CHL1: variants seen among roughly 807,000 people sequenced by gnomAD.
CHL1 encodes the protein cell adhesion molecule L1 like.
A neutral mutation model predicts 141.9 loss-of-function variants in CHL1; 96 were observed. The ratio of observed to expected loss-of-function variants is 0.68; its 90% confidence interval spans 0.57 to 0.80. CHL1 has a LOEUF of 0.80. Ranked by LOEUF, CHL1 falls within the 30% of genes least tolerant of loss-of-function variation. The pLI is 0.00. For missense variants in CHL1, 1,820 were observed against 1,457.2 expected (o/e 1.25, Z -4.05); for synonymous variants, 613 against 502.2 (o/e 1.22, Z -2.95).
intron 5 of CHL1, among the ~76,000 whole-genome samples, chr3:328,723 G>A (rs1002335290): frequency 6.6e-6 from 1 of 152,136 alleles, no homozygotes; most frequent in African/African-American, 2.4e-5. Context: ...GCAATTTACT[G>A]TGGGCCTGGC....
At chr3:393,624 T>C (rs995962490) in intron 23 of CHL1, among the ~76,000 whole-genome samples, 3 of 152,130 alleles carry the variant, frequency 2.0e-5, no homozygotes, top group African/African-American at 4.8e-5. Flanking sequence ...ACATTTTAGG[T>C]AGTTTACCTT....
At chr3:223,852 A>C (rs1701086067) in intron 1 of CHL1, among the ~76,000 whole-genome samples, 1 of 152,208 alleles carries the variant, frequency 6.6e-6, no homozygotes, top group African/African-American at 2.4e-5. Flanking sequence ...CATAGGGGTC[A>C]AAGCTGTCTT....
rs5845965 is a variant in CHL1 at position 350,609 on chromosome 3, G to GAAA, written c.1033+1074_1033+1076dup. On this transcript the variant is annotated intron_variant, in intron 10 of 27. Transcript: ENST00000256509. ...TAATGGCCTGTTGTTTAAATTAATG[G>GAAA]AAAAAAAAAAGGACTCAGACACAAA... is the stretch of plus-strand genomic sequence containing the variant. Among the ~76,000 whole-genome samples, 75 of 148,264 alleles carry GAAA rather than the reference G, an allele frequency of 5.1e-4. 4 individuals are homozygous for GAAA. In the South Asian group the frequency reaches 0.014, roughly 27 times the overall value.
chr3:263,977 C>A (rs1415359747), intron 2 of CHL1, among the ~76,000 whole-genome samples: 1 of 152,182 alleles, frequency 6.6e-6, no homozygotes. Flanking sequence ...ATCTGCTTAT[C>A]TAAGACGGAT....
At chr3:299,212 A>T (rs568849440) in intron 2 of CHL1, among the ~76,000 whole-genome samples, 1 of 152,338 alleles carries the variant, frequency 6.6e-6, no homozygotes, top group South Asian at 2.1e-4. Context: ...ATAAAAATCT[A>T]CTTGTTAAGT....
chr3:336,843 A>G (rs1367045625), intron 5 of CHL1, among the ~76,000 whole-genome samples: 2 of 152,204 alleles, frequency 1.3e-5, no homozygotes, highest in Non-Finnish European at 2.9e-5. Flanking sequence ...CAAATTTTGT[A>G]TCTGCAGGTT....
chr3:357,880 C>G (rs117399624), intron 11 of CHL1, among the ~76,000 whole-genome samples: 1 of 152,162 alleles, frequency 6.6e-6, no homozygotes, highest in African/African-American at 2.4e-5. Context: ...GGGAGGATGG[C>G]GTTAACTCTG....
At chr3:382,933 T>C (rs1707241931) in intron 18 of CHL1, among the ~76,000 whole-genome samples, 1 of 152,138 alleles carries the variant, frequency 6.6e-6, no homozygotes, top group Non-Finnish European at 1.5e-5. Flanking sequence ...TGGCTAAATA[T>C]CAAGTTTAAC....
chr3:371,983 T>A (rs1400267828), intron 15 of CHL1, among the ~76,000 whole-genome samples: 2 of 152,192 alleles, frequency 1.3e-5, no homozygotes, highest in African/African-American at 4.8e-5. Flanking sequence ...CCACCGTTAG[T>A]CTGATGGGTT....
chr3:226,053 G>A (rs1394324766), intron 1 of CHL1, among the ~76,000 whole-genome samples: 1 of 150,916 alleles, frequency 6.6e-6, no homozygotes, highest in Non-Finnish European at 1.5e-5. Flanking sequence ...AGAGAGTCTC[G>A]TTCCGTCGCC....
Position 267,990 on chromosome 3 carries a change from C to T in CHL1, c.-95+23298C>T, listed in dbSNP as rs540708232. The stretch of plus-strand genomic sequence containing the variant: ...TAAAATGATTCTTTCCTATGAAAAA[C>T]CATGCTTTGGTTTCATTTCACAGCT... On this transcript the variant is annotated intron_variant, in intron 2 of 27. Coordinates refer to ENST00000256509, the MANE Select transcript of CHL1 (RefSeq NM_006614.4). Among the ~76,000 whole-genome samples, 802 of 152,216 alleles carry T rather than the reference C, an allele frequency of 5.3e-3. 9 individuals are homozygous for T. The highest frequency in any genetic ancestry group is 0.019 in the African/African-American group (775 of 41,522).
rs148174056 is a variant in CHL1 at position 285,316 on chromosome 3, G to A, written c.-94-34367G>A. ...TGACTTGGGCATTTAAATGGAATCT[G>A]ATGAAGTCCCTCCCACCATTTTCTC... On this transcript the variant is annotated intron_variant, in intron 2 of 27. Transcript: ENST00000256509. Among the ~76,000 whole-genome samples, 374 of 152,274 alleles carry A rather than the reference G, an allele frequency of 2.5e-3. 2 individuals carry two copies. The highest frequency in any genetic ancestry group is 8.4e-3 in the African/African-American group (351 of 41,560).
chr3:215,285 A>AT lies in CHL1; in HGVS notation c.-175+18223dup, dbSNP rs1700223769. On this transcript the variant is annotated intron_variant, in intron 1 of 27. Transcript: ENST00000256509. ...GTAACATGGATGAATCTAGAGGACA[A>AT]TATGCTAAGTGAAATAAGCAAGGCA... Among the ~76,000 whole-genome samples the AT allele has an allele frequency of 2.0e-5, 3 of 152,176 alleles. No individual in the cohort carries two copies. In the South Asian group the frequency reaches 6.2e-4, roughly 31 times the overall value.
chr3:213,220 A>G (rs956883487), intron 1 of CHL1: 7 of 152,238 alleles, frequency 4.6e-5, no homozygotes, highest in African/African-American at 1.4e-4. Context: ...GAATTGAAAA[A>G]TAATTCACAG....
intron 20 of CHL1, 61 bp from the exon 21 acceptor site, chr3:390,640 A>G (rs1708142738): frequency 2.0e-6 from 2 of 987,648 alleles, no homozygotes; most frequent in South Asian, 1.4e-5. Flanking sequence ...ATTTTTGAAA[A>G]GGATCCTAAC....
At chr3:229,181 A>C (rs1369469797) in intron 1 of CHL1, among the ~76,000 whole-genome samples, 1 of 152,182 alleles carries the variant, frequency 6.6e-6, no homozygotes, top group Non-Finnish European at 1.5e-5. Flanking sequence ...TTCACTTCTT[A>C]TTAATTATAA....
intron 2 of CHL1, among the ~76,000 whole-genome samples, chr3:274,885 A>G (rs114611342): frequency 0.013 from 1,902 of 152,022 alleles, 29 homozygotes; most frequent in South Asian, 0.017. Flanking sequence ...TGTATATACT[A>G]CTGTGATCTT....
chr3:409,030 A>T lies in CHL1; in HGVS notation c.*3319A>T, dbSNP rs1030634926. 1 of 152,050 alleles carries T rather than the reference A, an allele frequency of 6.6e-6. No individual in the cohort carries two copies. Among genetic ancestry groups the T allele is most frequent in the African/African-American group, 2.4e-5 (1 of 41,420 alleles). The allele number at this position is 152,050 out of a possible 1,614,324, so 9.4% of individuals were successfully genotyped here. A position where few individuals can be genotyped will look rare whatever the true frequency, so the allele number is the denominator to read the frequency against. ...ATTTAAAACATAATTGCCAATTGAAACCCTAAATATGTTTACATACCATTA... is the reference window on the plus strand; with the variant it reads ...ATTTAAAACATAATTGCCAATTGAATCCCTAAATATGTTTACATACCATTA... On this transcript the variant is annotated 3_prime_UTR_variant, in exon 28 of 28. Coordinates refer to ENST00000256509, the MANE Select transcript of CHL1 (RefSeq NM_006614.4).
intron 10 of CHL1, among the ~76,000 whole-genome samples, chr3:349,939 T>C (rs539318117): frequency 6.6e-6 from 1 of 152,094 alleles, no homozygotes; most frequent in East Asian, 1.9e-4. Flanking sequence ...AGCTTGGATT[T>C]AACTTGCTGT....
Sources: gnomAD v4.1 joint callset for allele counts (sites outside exome capture counted in the v4.1 genomes callset) on GRCh38, gnomAD v4.1.1 for gene constraint, MANE v1.5 for transcripts, NCBI Gene and HGNC (gene_info 2026-07-23, HGNC 2026-07-21) for gene names.